The following RPL23 variants were observed in gnomAD, a reference collection of about 807,000 sequenced individuals.
RPL23 encodes the protein ribosomal protein L23.
For missense variants in RPL23, 79 were observed against 178.8 expected (o/e 0.44, Z 3.18); for synonymous variants, 63 against 65.3 (o/e 0.97, Z 0.17).
Position 38,848,255 on chromosome 17 carries a change from T to C in RPL23, c.*1877A>G, listed in dbSNP as rs1912912260. 2 of 599,518 alleles carry C rather than the reference T, an allele frequency of 3.3e-6. No homozygotes were observed. Among genetic ancestry groups the C allele is most frequent in the Non-Finnish European group, 4.8e-6 (2 of 417,656 alleles). 37.1% of individuals were successfully genotyped at this position (599,518 alleles called of 1,614,324 possible). A position where few individuals can be genotyped will look rare whatever the true frequency, so the allele number is the denominator to read the frequency against. On this transcript the variant is annotated 3_prime_UTR_variant, in exon 5 of 5. Transcript: ENST00000479035. ...TAGAGATTTAATACATTTTTTTTCT[T>C]TCCCCCCAGAGTTTCACTGGTTGCC...
intron 3 of RPL23, 90 bp downstream of exon 3, chr17:38,852,514 T>C (rs990488228): frequency 1.3e-6 from 2 of 1,526,384 alleles, no homozygotes; most frequent in Non-Finnish European, 1.8e-6. Context: ...GAAAACAAAC[T>C]TGAGGCCTTG....
In RPL23 at chr17:38,853,068, G is replaced by C. The variant is rs769121390; in HGVS notation, c.51C>G (p.Ser17=). The C allele has an allele frequency of 3.1e-5, 50 of 1,614,012 alleles. No homozygotes were observed. Among genetic ancestry groups the C allele is most frequent in the Non-Finnish European group, 4.2e-5 (49 of 1,180,038 alleles). The change falls in exon 2 of 5, where the codon TCC becomes TCG. Residue 17 remains serine, a synonymous_variant. Coordinates refer to ENST00000479035, the MANE Select transcript of RPL23 (RefSeq NM_000978.4). ...TTACAGCTCCTACCGGAAGACCCAAGGAAATCCGGAATTTCGCACCAGAGG... is the reference window on the plus strand; with the variant it reads ...TTACAGCTCCTACCGGAAGACCCAACGAAATCCGGAATTTCGCACCAGAGG... ...GGSSGAKFRI[S]LGLPVGAVIN...
Position 38,848,171 on chromosome 17 carries a change from A to G in RPL23, c.*1961T>C. On this transcript the variant is annotated 3_prime_UTR_variant, in exon 5 of 5. Coordinates refer to ENST00000479035, the MANE Select transcript of RPL23 (RefSeq NM_000978.4). ...AATGGTGGGCCTAGGGGCTTGTCAC[A>G]CTAAAGCTGACTTGAAATTGACCAT... 8.5e-7 allele frequency: 1 copy of G among 1,169,686 alleles called. No homozygotes were observed. Among genetic ancestry groups the G allele is most frequent in the Non-Finnish European group, 1.1e-6 (1 of 902,562 alleles). The allele number at this position is 1,169,686 out of a possible 1,614,324, so 72.5% of individuals were successfully genotyped here. A position where few individuals can be genotyped will look rare whatever the true frequency, so the allele number is the denominator to read the frequency against.
intron 1 of RPL23, 139 bp downstream of exon 1, chr17:38,853,559 G>T (rs1913069189): frequency 9.9e-7 from 1 of 1,014,160 alleles, no homozygotes; most frequent in Non-Finnish European, 1.5e-6. Flanking sequence ...CCCTGGCAGT[G>T]CTCTCGCGGT....
At position 38,853,064 on chromosome 17, in the gene RPL23, C is replaced by T. The variant is rs745417060; in HGVS notation, c.55G>A (p.Gly19Ser). ...SSGAKFRISL[G>S]LPVGAVINCA... is the part of the protein sequence containing the mutation. ...TTGATTACAGCTCCTACCGGAAGAC[C>T]CAAGGAAATCCGGAATTTCGCACCA... Residue 19 changes from glycine (G) to serine (S), a missense_variant, in exon 2 of 5, where the codon GGT (glycine) becomes AGT (serine). By Grantham distance (56) the Gly-to-Ser change is moderately conservative (BLOSUM62 0). Transcript: ENST00000479035. The T allele has an allele frequency of 6.2e-7, 1 of 1,614,146 alleles. No individual in the cohort carries two copies. Among genetic ancestry groups the T allele is most frequent in the Non-Finnish European group, 8.5e-7 (1 of 1,180,036 alleles).
intron 1 of RPL23, 118 bp downstream of exon 1, chr17:38,853,566 CGGTGGCCTGGCTCT>C: frequency 9.1e-7 from 1 of 1,103,420 alleles, no homozygotes; most frequent in Admixed American, 1.8e-5. Flanking sequence ...AGTGCTCTCG[CGGTGGCCTGGCTCT>C]CTCTCTCCGG....
chr17:38,850,254 T>C (rs890755117), intron 4 of RPL23, 40 bp from the exon 5 acceptor site: 1 of 1,554,038 alleles, frequency 6.4e-7, no homozygotes. Flanking sequence ...TAAAAACATG[T>C]GGGGGACAGA....
At position 38,849,226 on chromosome 17, in the gene RPL23, C is replaced by G. The variant is rs889465079; in HGVS notation, c.*906G>C. On this transcript the variant is annotated 3_prime_UTR_variant, in exon 5 of 5. Transcript: ENST00000479035. ...CAATTACTGTTGTTTTATAAATATT[C>G]AATTTACTCCAAATCTGTTAACTGC... 3.9e-5 allele frequency: 6 copies of G among 152,164 alleles called. No homozygotes were observed. Among genetic ancestry groups the G allele is most frequent in the Non-Finnish European group, 8.8e-5 (6 of 68,040 alleles). The allele number at this position is 152,164 out of a possible 1,614,324, so 9.4% of individuals were successfully genotyped here.
At chr17:38,853,247 C>A in intron 1 of RPL23, 142 bp from the exon 2 acceptor site, 3 of 704,032 alleles carry the variant, frequency 4.3e-6, no homozygotes, top group Non-Finnish European at 7.6e-6. Flanking sequence ...TCGGATTTTA[C>A]TTATGCCGTC....
At position 38,852,585 on chromosome 17, in the gene RPL23, G is replaced by T; in HGVS notation, c.226+19C>A. The T allele has an allele frequency of 6.2e-7, 1 of 1,611,950 alleles. No homozygotes were observed. The highest frequency in any genetic ancestry group is 1.3e-5 in the African/African-American group (1 of 74,904). ...CCCCACTACTCATCAGTATTAAGGT[G>T]GGCTCAGTGTTTACTCACCCTTTTT... On this transcript the variant is annotated intron_variant, in intron 3 of 4. Transcript: ENST00000479035.
intron 1 of RPL23, 24 bp downstream of exon 1, chr17:38,853,674 G>A: frequency 6.2e-7 from 1 of 1,614,098 alleles, no homozygotes; most frequent in Non-Finnish European, 8.5e-7. Flanking sequence ...GATGGTGGAG[G>A]ATCCTCCAGA....
chr17:38,850,635 T>C, intron 3 of RPL23, 160 bp from the exon 4 acceptor site: 1 of 599,938 alleles, frequency 1.7e-6, no homozygotes, highest in East Asian at 2.8e-5. Context: ...CTCTCTAGTA[T>C]CTTGGACTAC....
chr17:38,852,606 T>C lies in RPL23; in HGVS notation c.224A>G (p.Lys75Arg), dbSNP rs758540138. ...AGGTGGGCTCAGTGTTTACTCACCC[T>C]TTTTTCTGAGCTCTGGTTTGCCTTT... is the stretch of plus-strand genomic sequence containing the variant. The part of the protein sequence containing the change: ...VKKGKPELRK[K>R]VHPAVVIRQR... The change falls in exon 3 of 5, where the codon AAG becomes AGG. Residue 75 changes from lysine (K) to arginine (R), a missense_variant and splice_region_variant. Coordinates refer to ENST00000479035, the MANE Select transcript of RPL23 (RefSeq NM_000978.4). The C allele has an allele frequency of 6.2e-7, 1 of 1,612,120 alleles. No homozygotes were observed. Among genetic ancestry groups the C allele is most frequent in the Non-Finnish European group, 8.5e-7 (1 of 1,179,936 alleles).
At chr17:38,853,665 A>C in intron 1 of RPL23, 33 bp downstream of exon 1, 1 of 1,614,036 alleles carries the variant, frequency 6.2e-7, no homozygotes, top group Non-Finnish European at 8.5e-7. Context: ...TGCACGACAG[A>C]TGGTGGAGGA....
rs1254100546 is a variant in RPL23, at chr17:38,849,713, G to A, written c.*419C>T. 1 of 157,604 alleles carries A rather than the reference G, an allele frequency of 6.3e-6. No individual in the cohort carries two copies. The highest frequency in any genetic ancestry group is 2.4e-5 in the African/African-American group (1 of 41,358). The allele number at this position is 157,604 out of a possible 1,614,324, so 9.8% of individuals were successfully genotyped here. ...GAGCAGTATCTACTATTATTTTTGG[G>A]ACTCAAAACCCAAATAATACTTTTT... On this transcript the variant is annotated 3_prime_UTR_variant, in exon 5 of 5. Coordinates refer to ENST00000479035, the MANE Select transcript of RPL23 (RefSeq NM_000978.4).
intron 3 of RPL23, chr17:38,852,245 G>A: frequency 1.0e-5 from 2 of 194,008 alleles, no homozygotes; most frequent in East Asian, 1.4e-4. Flanking sequence ...AATAAGCAAC[G>A]GGCAGCTTGT....
At chr17:38,851,551 C>A (rs75470902) in intron 3 of RPL23, 3 of 152,332 alleles carry the variant, frequency 2.0e-5, no homozygotes, top group Admixed American at 6.5e-5. Flanking sequence ...CTGAGACCAA[C>A]AATCCACCCT....
In RPL23 at chr17:38,849,307, C is replaced by T. The variant is rs1912936518; in HGVS notation, c.*825G>A. 2 of 150,088 alleles carry T rather than the reference C, an allele frequency of 1.3e-5. No homozygotes were observed. Among genetic ancestry groups the T allele is most frequent in the Middle Eastern group, 3.4e-3 (1 of 292 alleles). 9.3% of individuals were successfully genotyped at this position (150,088 alleles called of 1,614,324 possible). A position where few individuals can be genotyped will look rare whatever the true frequency, so the allele number is the denominator to read the frequency against. On this transcript the variant is annotated 3_prime_UTR_variant, in exon 5 of 5. Transcript: ENST00000479035. ...CATTCCTCAAAATCCATGTGTGTGT[C>T]CAGGATCTAACTATATAGTCTATCT...
intron 3 of RPL23, 188 bp from the exon 4 acceptor site, chr17:38,850,663 C>T: frequency 2.1e-6 from 1 of 484,184 alleles, no homozygotes; most frequent in Non-Finnish European, 3.6e-6. Flanking sequence ...CACTACCATG[C>T]CCAGATTTTT....
Sources: allele counts gnomAD v4.1 joint callset, GRCh38; gene constraint gnomAD v4.1.1; transcripts MANE v1.5; gene names NCBI Gene and HGNC (gene_info 2026-07-23, HGNC 2026-07-21).